The following FHOD3 variants were observed in gnomAD, a reference collection of about 807,000 sequenced individuals.
The protein encoded by FHOD3 is FH1/FH2 domain-containing protein 3.
Under a neutral mutation model 173.0 loss-of-function variants are expected in FHOD3, and 90 were observed. The ratio of observed to expected loss-of-function variants is 0.52; its 90% CI spans 0.44 to 0.62. The LOEUF is 0.62. FHOD3 is among the 20% of genes least tolerant of loss of function. The pLI, the probability that FHOD3 is intolerant of heterozygous loss-of-function variation, is 0.00. For missense variants in FHOD3, 1,945 were observed against 2,034.7 expected, an observed-to-expected ratio of 0.96 and a Z score of 0.85; for synonymous variants, 828 against 823.0, an observed-to-expected ratio of 1.01 and a Z score of -0.10.
intron 17 of FHOD3, among the ~76,000 whole-genome samples, chr18:36,697,811 A>C (rs904227420): frequency 2.6e-5 from 4 of 152,192 alleles, no homozygotes; most frequent in African/African-American, 4.8e-5. Flanking sequence ...AGTATCATGA[A>C]ATGTTTAGTT....
intron 9 of FHOD3, among the ~76,000 whole-genome samples, chr18:36,618,414 G>C (rs1379305304): frequency 6.9e-6 from 1 of 145,422 alleles, no homozygotes; most frequent in African/African-American, 2.5e-5. Context: ...CCGGGTTCAA[G>C]TGATTCTCCT....
At chr18:36,428,259 T>A (rs1270157607) in intron 3 of FHOD3, among the ~76,000 whole-genome samples, 1 of 152,178 alleles carries the variant, frequency 6.6e-6, no homozygotes, top group African/African-American at 2.4e-5. Flanking sequence ...AGGGCAGGAA[T>A]CATATTTATA....
intron 5 of FHOD3, among the ~76,000 whole-genome samples, chr18:36,549,145 G>C (rs1294534108): frequency 6.6e-6 from 1 of 151,956 alleles, no homozygotes; most frequent in Admixed American, 6.6e-5. Flanking sequence ...ACCTCACTGG[G>C]GTTTTAATTG....
In FHOD3 at chr18:36,366,018, G is replaced by C. The variant is rs144660468; in HGVS notation, c.273-6662G>C. ...CAGGGTGCTTCCACCTGGGTCCCCT[G>C]TGTGTCTCGGACTCCTCACACCTTC... On this transcript the variant is annotated intron_variant, in intron 2 of 28. Coordinates refer to ENST00000590592, the MANE Select transcript of FHOD3 (RefSeq NM_001281740.3). Among the ~76,000 whole-genome samples, 114 of 152,274 alleles carry C rather than the reference G, an allele frequency of 7.5e-4. 1 individual carries two copies. Among genetic ancestry groups the C allele is most frequent in the African/African-American group, 2.6e-3 (107 of 41,550 alleles).
intron 3 of FHOD3, among the ~76,000 whole-genome samples, chr18:36,497,806 A>C (rs1599387341): frequency 6.6e-6 from 1 of 152,216 alleles, no homozygotes; most frequent in Non-Finnish European, 1.5e-5. Context: ...AAGTAAATGG[A>C]AAGTCAGTAA....
At chr18:36,427,286 TA>T (rs35854743) in intron 3 of FHOD3, among the ~76,000 whole-genome samples, 2,531 of 79,446 alleles carry the variant, frequency 0.032, 64 homozygotes, top group African/African-American at 0.088. Context: ...CTTGCTTCTC[TA>T]AAAAAAAAAA....
chr18:36,746,498 G>A (rs1478068606), intron 23 of FHOD3, among the ~76,000 whole-genome samples: 1 of 152,218 alleles, frequency 6.6e-6, no homozygotes, highest in African/African-American at 2.4e-5. Flanking sequence ...ACGAAGAGAA[G>A]CTGGCTGCCC....
chr18:36,528,074 C>T (rs183836267), intron 5 of FHOD3, among the ~76,000 whole-genome samples: 4 of 152,286 alleles, frequency 2.6e-5, no homozygotes, highest in African/African-American at 7.2e-5. Flanking sequence ...CCTGGATCCT[C>T]TGTTTCCTGC....
At position 36,662,123 on chromosome 18, in the gene FHOD3, C is replaced by T. The variant is rs559737146; in HGVS notation, c.1835+3935C>T. ...AACAAGCAAACAACCACACCTCAAG[C>T]GCATATGTGGTTGTGAGGCTTTGGG... On this transcript the variant is annotated intron_variant, in intron 14 of 28. Coordinates refer to ENST00000590592, the MANE Select transcript of FHOD3 (RefSeq NM_001281740.3). Among the ~76,000 whole-genome samples, 161 of 152,306 alleles carry T rather than the reference C, an allele frequency of 1.1e-3. 1 individual carries two copies. The highest frequency in any genetic ancestry group is 3.7e-3 in the African/African-American group (154 of 41,564).
chr18:36,428,186 A>C lies in FHOD3; in HGVS notation c.337+55442A>C, dbSNP rs8087248. On this transcript the variant is annotated intron_variant, in intron 3 of 28. Coordinates refer to ENST00000590592, the MANE Select transcript of FHOD3 (RefSeq NM_001281740.3). ...CTCTAAGGCATGTATTATGCCTTAA[A>C]ATTTTCATTATTTATTGGATTACTC... Among the ~76,000 whole-genome samples, 1,128 of 152,098 alleles carry C rather than the reference A, an allele frequency of 7.4e-3. 6 individuals are homozygous for C. Among genetic ancestry groups the C allele is most frequent in the African/African-American group, 0.025 (1,034 of 41,468 alleles).
intron 5 of FHOD3, among the ~76,000 whole-genome samples, chr18:36,535,136 T>C (rs987765191): frequency 9.9e-5 from 15 of 152,180 alleles, no homozygotes; most frequent in African/African-American, 3.6e-4. Context: ...AAAACAGTGC[T>C]CCCTGAAGCA....
chr18:36,363,076 T>C (rs1032036700), intron 2 of FHOD3, among the ~76,000 whole-genome samples: 3 of 152,184 alleles, frequency 2.0e-5, no homozygotes, highest in Non-Finnish European at 4.4e-5. Context: ...ATGTAAAATG[T>C]ACATTTAAAA....
At chr18:36,759,342 G>A in intron 26 of FHOD3, among the ~76,000 whole-genome samples, 1 of 152,136 alleles carries the variant, frequency 6.6e-6, no homozygotes, top group East Asian at 1.9e-4. Flanking sequence ...GGGACTGAAG[G>A]GTTAAATGCA....
chr18:36,596,334 T>C (rs1164488152), intron 7 of FHOD3, among the ~76,000 whole-genome samples: 1 of 130,824 alleles, frequency 7.6e-6, no homozygotes. Flanking sequence ...TTTTTTTTTT[T>C]TTTTTTTTTT....
chr18:36,571,930 G>A (rs1016822716), intron 5 of FHOD3, among the ~76,000 whole-genome samples: 1 of 152,136 alleles, frequency 6.6e-6, no homozygotes, highest in Non-Finnish European at 1.5e-5. Flanking sequence ...TTCTAGTTAG[G>A]CAAGGAGTTT....
chr18:36,654,096 C>G (rs1363371535), intron 13 of FHOD3, among the ~76,000 whole-genome samples: 1 of 152,160 alleles, frequency 6.6e-6, no homozygotes. Context: ...TTACTGCACT[C>G]ACCACACCCT....
intron 3 of FHOD3, among the ~76,000 whole-genome samples, chr18:36,425,595 C>A (rs1156923967): frequency 6.6e-6 from 1 of 152,050 alleles, no homozygotes; most frequent in African/African-American, 2.4e-5. Context: ...AAAAAAGAGA[C>A]CCCAACAGTG....
chr18:36,715,632 A>G (rs2040407576), intron 18 of FHOD3, among the ~76,000 whole-genome samples: 1 of 152,252 alleles, frequency 6.6e-6, no homozygotes, highest in South Asian at 2.1e-4. Flanking sequence ...GTTTACATCC[A>G]TGAAAAAGGC....
At chr18:36,555,241 T>G (rs1395997274) in intron 5 of FHOD3, among the ~76,000 whole-genome samples, 2 of 152,192 alleles carry the variant, frequency 1.3e-5, no homozygotes, top group African/African-American at 4.8e-5. Flanking sequence ...ATTTTCATTT[T>G]ATTCGTTTCA....
Sources: gnomAD v4.1 joint callset for allele counts (sites outside exome capture counted in the v4.1 genomes callset) on GRCh38, gnomAD v4.1.1 for gene constraint, MANE v1.5 for transcripts, NCBI Gene and HGNC (gene_info 2026-07-23, HGNC 2026-07-21) for gene names.